NOS1AP: variants seen among roughly 807,000 people sequenced by gnomAD.
NOS1AP encodes the protein carboxyl-terminal PDZ ligand of neuronal nitric oxide synthase protein.
NOS1AP carries 21 observed loss-of-function variants against 56.2 expected under a neutral mutation model. The observed-to-expected ratio is 0.37, with a 90% CI of 0.26 to 0.54. The LOEUF (loss-of-function observed/expected upper bound fraction) is 0.54, where lower values mean the gene tolerates loss of function less well. Among genes scored for constraint, NOS1AP ranks in the 20% least tolerant of loss-of-function variants. NOS1AP has a pLI of 0.84. For synonymous variants in NOS1AP, 270 were observed against 274.6 expected (o/e 0.98, Z 0.17); for missense variants, 522 against 657.8 (o/e 0.79, Z 2.26).
intron 2 of NOS1AP, among the ~76,000 whole-genome samples, chr1:162,249,378 G>A (rs1305457336): frequency 6.6e-6 from 1 of 152,152 alleles, no homozygotes; most frequent in East Asian, 1.9e-4. Flanking sequence ...GAACACAGAT[G>A]AGCTGGGTAT....
At chr1:162,132,039 A>G (rs12093845) in intron 1 of NOS1AP, among the ~76,000 whole-genome samples, 36,332 of 152,128 alleles carry the variant, frequency 0.24, 8,195 homozygotes, top group African/African-American at 0.6. Flanking sequence ...ATGACTATCA[A>G]GAAATCTATT....
chr1:162,240,051 T>G (rs1017130149), intron 2 of NOS1AP, among the ~76,000 whole-genome samples: 1 of 152,212 alleles, frequency 6.6e-6, no homozygotes, highest in Non-Finnish European at 1.5e-5. Context: ...GGCAGCTTCC[T>G]GGCACATTTA....
intron 5 of NOS1AP, among the ~76,000 whole-genome samples, chr1:162,339,286 T>C (rs1041545154): frequency 3.3e-5 from 5 of 152,076 alleles, no homozygotes; most frequent in Non-Finnish European, 7.4e-5. Context: ...GGGCTGCTAA[T>C]AGAAAATGGC....
chr1:162,318,972 T>C (rs1165201947), intron 4 of NOS1AP, among the ~76,000 whole-genome samples: 1 of 152,172 alleles, frequency 6.6e-6, no homozygotes, highest in Middle Eastern at 3.2e-3. Context: ...GATTCTTGTG[T>C]CCACCTGCTC....
chr1:162,283,885 G>A (rs1289844352), intron 2 of NOS1AP, among the ~76,000 whole-genome samples: 1 of 152,214 alleles, frequency 6.6e-6, no homozygotes, highest in Non-Finnish European at 1.5e-5. Context: ...CAGGCCCGTT[G>A]GCACAGACTG....
At chr1:162,187,917 A>G (rs1466803614) in intron 2 of NOS1AP, among the ~76,000 whole-genome samples, 3 of 152,154 alleles carry the variant, frequency 2.0e-5, no homozygotes, top group Admixed American at 2.0e-4. Context: ...CATTCATGAG[A>G]CCATGTAGCA....
intron 1 of NOS1AP, among the ~76,000 whole-genome samples, chr1:162,124,534 T>C (rs1304131809): frequency 1.3e-5 from 2 of 151,810 alleles, no homozygotes; most frequent in Non-Finnish European, 2.9e-5. Context: ...TATTTTCTTT[T>C]TCTTTGAGAT....
At chr1:162,360,393 G>C (rs1657861589) in intron 8 of NOS1AP, 1 of 166,724 alleles carries the variant, frequency 6.0e-6, no homozygotes, top group Non-Finnish European at 1.3e-5. Flanking sequence ...GCGAAGCTGG[G>C]ATGTAGCTGG....
intron 2 of NOS1AP, among the ~76,000 whole-genome samples, chr1:162,162,009 T>G (rs1032290109): frequency 7.2e-5 from 11 of 152,230 alleles, no homozygotes; most frequent in African/African-American, 2.4e-4. Flanking sequence ...AATTTAGGAA[T>G]GTATGTTCAA....
At position 162,097,213 on chromosome 1, in the gene NOS1AP, C is replaced by T. The variant is rs945258178; in HGVS notation, c.105+26931C>T. 2.6e-5 allele frequency among the ~76,000 whole-genome samples: 4 copies of T among 151,436 alleles called. No individual in the cohort carries two copies. In the East Asian group the frequency reaches 5.8e-4, roughly 22 times the overall value. Reference sequence around the variant, plus strand: ...GGTCATTATGTTTTTCCCTCTTATGCGATTGCCTCTTCATATCTCTTGCCC... The same window carrying T: ...GGTCATTATGTTTTTCCCTCTTATGTGATTGCCTCTTCATATCTCTTGCCC... On this transcript the variant is annotated intron_variant, in intron 1 of 9. Transcript: ENST00000361897.
rs575160142 is a variant in NOS1AP, at chr1:162,116,226, C to G, written c.106-38179C>G. On this transcript the variant is annotated intron_variant, in intron 1 of 9. Transcript: ENST00000361897. ...ATGCAGTCTGTGTCACCATCGTCCT[C>G]TGTAGTGGACTCCTGAGACTGCTTT... 2.0e-5 allele frequency among the ~76,000 whole-genome samples: 3 copies of G among 152,304 alleles called. No homozygotes were observed. The East Asian group carries it at 5.8e-4, about 29-fold the overall frequency.
intron 2 of NOS1AP, among the ~76,000 whole-genome samples, chr1:162,251,866 T>G (rs867282250): frequency 8.3e-5 from 8 of 96,640 alleles, no homozygotes; most frequent in Non-Finnish European, 1.8e-4. Context: ...TGTTTTTTTT[T>G]TTGTTTTTTT....
At chr1:162,311,748 A>C in intron 4 of NOS1AP, among the ~76,000 whole-genome samples, 1 of 140,294 alleles carries the variant, frequency 7.1e-6, no homozygotes, top group Non-Finnish European at 1.5e-5. Flanking sequence ...CCACCCCACA[A>C]CAGTCACCAG....
intron 2 of NOS1AP, among the ~76,000 whole-genome samples, chr1:162,277,053 G>A (rs1654757021): frequency 6.6e-6 from 1 of 152,120 alleles, no homozygotes; most frequent in Non-Finnish European, 1.5e-5. Context: ...GTGGTCTGTG[G>A]ACCAGTAGTG....
chr1:162,254,973 G>A (rs1431290358), intron 2 of NOS1AP, among the ~76,000 whole-genome samples: 8 of 152,132 alleles, frequency 5.3e-5, no homozygotes, highest in African/African-American at 1.9e-4. Flanking sequence ...CCTCTCTAAA[G>A]AGGCTCTTTG....
At chr1:162,090,063 A>C (rs1033293869) in intron 1 of NOS1AP, among the ~76,000 whole-genome samples, 5 of 152,082 alleles carry the variant, frequency 3.3e-5, no homozygotes, top group Admixed American at 2.6e-4. Context: ...TACTACCAAA[A>C]CTTACATTCT....
intron 2 of NOS1AP, among the ~76,000 whole-genome samples, chr1:162,224,199 G>A (rs533524796): frequency 6.6e-6 from 1 of 151,848 alleles, no homozygotes; most frequent in Non-Finnish European, 1.5e-5. Flanking sequence ...TTTTGTGCAG[G>A]TCAGGGATCC....
intron 1 of NOS1AP, among the ~76,000 whole-genome samples, chr1:162,112,054 G>T (rs556719647): frequency 6.6e-6 from 1 of 152,302 alleles, no homozygotes; most frequent in East Asian, 1.9e-4. Flanking sequence ...CTGTTCTGCA[G>T]CCTGTGGTCA....
Position 162,081,774 on chromosome 1 carries a change from A to ATATATATATTTT in NOS1AP, c.105+11493_105+11494insATATATATTTTT. On this transcript the variant is annotated intron_variant, in intron 1 of 9. Coordinates refer to ENST00000361897, the MANE Select transcript of NOS1AP (RefSeq NM_014697.3). Reference sequence around the variant, plus strand: ...TCTATAGATATATATATATATATATATTTTTTTTTTGTAGAGATGGGTTTT... The same window carrying ATATATATATTTT: ...TCTATAGATATATATATATATATATATATATATATTTTTTTTTTTTTTGTAGAGATGGGTTTT... Among the ~76,000 whole-genome samples the ATATATATATTTT allele has an allele frequency of 3.7e-3, 165 of 44,044 alleles. 7 individuals carry two copies. The East Asian group carries it at 0.053, about 14-fold the overall frequency. 28.9% of individuals were successfully genotyped at this position (44,044 alleles called of 152,430 possible).
Sources: allele counts gnomAD v4.1 joint callset (sites outside exome capture counted in the v4.1 genomes callset), GRCh38; gene constraint gnomAD v4.1.1; transcripts MANE v1.5; gene names NCBI Gene and HGNC (gene_info 2026-07-23, HGNC 2026-07-21).